The following ALK variants were observed in gnomAD, a reference collection of about 807,000 sequenced individuals.
The protein encoded by ALK is ALK receptor tyrosine kinase.
Under a neutral mutation model 163.1 loss-of-function variants are expected in ALK, and 74 were observed. The ratio of observed to expected loss-of-function variants is 0.45; its 90% CI spans 0.38 to 0.55. ALK has a LOEUF of 0.55. ALK is among the 20% of genes least tolerant of loss of function. ALK has a pLI of 0.00. For missense variants in ALK, 2,063 were observed against 2,105.3 expected (o/e 0.98, Z 0.39); for synonymous variants, 960 against 843.2 (o/e 1.14, Z -2.40).
chr2:29,835,848 A>C (rs1308252092), intron 1 of ALK, among the ~76,000 whole-genome samples: 2 of 152,110 alleles, frequency 1.3e-5, no homozygotes, highest in African/African-American at 2.4e-5. Flanking sequence ...TTCCGCCATG[A>C]TTGTGAGGCC....
intron 4 of ALK, among the ~76,000 whole-genome samples, chr2:29,420,555 G>T (rs955128860): frequency 6.6e-6 from 1 of 151,416 alleles, no homozygotes; most frequent in South Asian, 2.1e-4. Context: ...AACACAGCTG[G>T]TTCAAAGGAG....
intron 11 of ALK, among the ~76,000 whole-genome samples, chr2:29,251,681 C>T (rs1358838518): frequency 6.6e-6 from 1 of 152,238 alleles, no homozygotes; most frequent in Non-Finnish European, 1.5e-5. Context: ...CAGTCTCTCA[C>T]CGAGCCTAGC....
chr2:29,439,838 C>G (rs1573355399), intron 4 of ALK, among the ~76,000 whole-genome samples: 1 of 152,174 alleles, frequency 6.6e-6, no homozygotes, highest in East Asian at 1.9e-4. Context: ...TACCCAGAGT[C>G]TCAGAGAGAA....
intron 1 of ALK, among the ~76,000 whole-genome samples, chr2:29,793,696 A>G (rs531677883): frequency 1.3e-5 from 2 of 152,338 alleles, no homozygotes; most frequent in Non-Finnish European, 2.9e-5. Context: ...GAGCATGGTC[A>G]ATGGGCAGTA....
intron 2 of ALK, among the ~76,000 whole-genome samples, chr2:29,714,252 G>C (rs1163233050): frequency 6.6e-6 from 1 of 152,140 alleles, no homozygotes; most frequent in Non-Finnish European, 1.5e-5. Flanking sequence ...GATGAAATTA[G>C]TGGGCGCTCG....
chr2:29,426,063 A>G (rs1215381147), intron 4 of ALK, among the ~76,000 whole-genome samples: 2 of 152,220 alleles, frequency 1.3e-5, no homozygotes, highest in Non-Finnish European at 2.9e-5. Context: ...GCCAAAAACA[A>G]TGGAATAATC....
At position 29,318,474 on chromosome 2, in the gene ALK, T is replaced by G. The variant is rs1283579631; in HGVS notation, c.1547-70A>C. 3 of 1,087,260 alleles carry G rather than the reference T, an allele frequency of 2.8e-6. No individual in the cohort carries two copies. The Admixed American group carries it at 5.2e-5, about 19-fold the overall frequency. 67.4% of individuals were successfully genotyped at this position (1,087,260 alleles called of 1,614,324 possible). A position where few individuals can be genotyped will look rare whatever the true frequency, so the allele number is the denominator to read the frequency against. On this transcript the variant is annotated intron_variant, in intron 7 of 28. Coordinates refer to ENST00000389048, the MANE Select transcript of ALK (RefSeq NM_004304.5). ...TGGGGGACCAGGGGTGCAGGGTTAA[T>G]GGACTGTGCACAGTTCTTATCTAGC... is the stretch of plus-strand genomic sequence containing the variant.
chr2:29,821,659 C>G (rs1277628091), intron 1 of ALK, among the ~76,000 whole-genome samples: 1 of 152,112 alleles, frequency 6.6e-6, no homozygotes, highest in Non-Finnish European at 1.5e-5. Context: ...CTCGATTGCT[C>G]CAGATCACTC....
chr2:29,424,223 T>C (rs1023551861), intron 4 of ALK, among the ~76,000 whole-genome samples: 1 of 152,190 alleles, frequency 6.6e-6, no homozygotes, highest in Non-Finnish European at 1.5e-5. Context: ...AAAAACAGAC[T>C]CAGGTACAAT....
At chr2:29,361,130 G>T (rs536279420) in intron 5 of ALK, among the ~76,000 whole-genome samples, 1 of 152,212 alleles carries the variant, frequency 6.6e-6, no homozygotes, top group South Asian at 2.1e-4. Flanking sequence ...GATCGCCGAC[G>T]CAGTCTCAAA....
chr2:29,312,523 T>G (rs541809735), intron 8 of ALK, among the ~76,000 whole-genome samples: 3 of 152,234 alleles, frequency 2.0e-5, no homozygotes, highest in African/African-American at 7.2e-5. Context: ...TCACAGGAGA[T>G]GGCGTGGCTG....
chr2:29,422,859 A>G (rs1299301548), intron 4 of ALK, among the ~76,000 whole-genome samples: 1 of 151,824 alleles, frequency 6.6e-6, no homozygotes, highest in Admixed American at 6.6e-5. Context: ...TGCTTGAGGA[A>G]CAGTGCCTGA....
chr2:29,558,810 T>C (rs1192834810), intron 3 of ALK, among the ~76,000 whole-genome samples: 2 of 152,210 alleles, frequency 1.3e-5, no homozygotes, highest in African/African-American at 4.8e-5. Flanking sequence ...TCAGCATTCA[T>C]TCATTCTCTG....
intron 5 of ALK, among the ~76,000 whole-genome samples, chr2:29,340,805 T>C (rs1054793001): frequency 3.3e-5 from 5 of 152,240 alleles, no homozygotes; most frequent in African/African-American, 9.6e-5. Flanking sequence ...CGTTACCTTC[T>C]CAGCAAGGCC....
chr2:29,248,586 C>T (rs1436590923), intron 12 of ALK, among the ~76,000 whole-genome samples: 1 of 152,204 alleles, frequency 6.6e-6, no homozygotes, highest in African/African-American at 2.4e-5. Context: ...TTCGAAATGT[C>T]CTGCTTCAAC....
At chr2:29,422,785 G>A (rs747449173) in intron 4 of ALK, among the ~76,000 whole-genome samples, 22 of 152,040 alleles carry the variant, frequency 1.4e-4, no homozygotes, top group Non-Finnish European at 2.5e-4. Context: ...TTCCTTAAGG[G>A]GTCCAGGTTT....
At chr2:29,507,056 G>A (rs1193913288) in intron 4 of ALK, among the ~76,000 whole-genome samples, 1 of 152,176 alleles carries the variant, frequency 6.6e-6, no homozygotes, top group East Asian at 1.9e-4. Context: ...GCAGGGTCTT[G>A]AAGAGGTATT....
intron 5 of ALK, among the ~76,000 whole-genome samples, chr2:29,343,833 GCAGGTCCC>G (rs1396440411): frequency 2.0e-5 from 3 of 152,148 alleles, no homozygotes; most frequent in African/African-American, 7.2e-5. Context: ...CTTCAGACTG[GCAGGTCCC>G]CAGGTACACA....
chr2:29,298,394 C>T (rs60637447), intron 8 of ALK, among the ~76,000 whole-genome samples: 103 of 152,326 alleles, frequency 6.8e-4, no homozygotes, highest in African/African-American at 2.2e-3. Flanking sequence ...AACTCTACCC[C>T]TGCTAACTGT....
Sources: allele counts gnomAD v4.1 joint callset (sites outside exome capture counted in the v4.1 genomes callset), GRCh38; gene constraint gnomAD v4.1.1; transcripts MANE v1.5; gene names NCBI Gene and HGNC (gene_info 2026-07-23, HGNC 2026-07-21).